SHOX2: variants seen among roughly 807,000 people sequenced by gnomAD.
The protein encoded by SHOX2 is short stature homeobox protein 2.
Under a neutral mutation model 31.3 loss-of-function variants are expected in SHOX2, and 13 were observed. The ratio of observed to expected loss-of-function variants is 0.42; its 90% CI spans 0.27 to 0.66. The LOEUF is 0.66. SHOX2 is among the 30% of genes least tolerant of loss of function. The pLI is 0.27. For missense variants in SHOX2, 473 were observed against 443.0 expected, an observed-to-expected ratio of 1.07 and a Z score of -0.61; for synonymous variants, 244 against 196.2, an observed-to-expected ratio of 1.24 and a Z score of -2.04.
intron 2 of SHOX2, 59 bp from the exon 3 acceptor site, chr3:158,100,370 A>G (rs2108124281): frequency 1.5e-6 from 2 of 1,326,852 alleles, no homozygotes; most frequent in East Asian, 2.4e-5. Context: ...AAATTTTTTT[A>G]AATTACAAAA....
chr3:158,099,200 G>T (rs1280266034), intron 4 of SHOX2, among the ~76,000 whole-genome samples: 2 of 152,236 alleles, frequency 1.3e-5, no homozygotes, highest in Non-Finnish European at 2.9e-5. Flanking sequence ...TCGCCCTCAG[G>T]CTTGGAAAGT....
chr3:158,105,953 C>G lies in SHOX2; in HGVS notation c.72G>C (p.Thr24=). Residue 24 remains threonine (T), a synonymous_variant, in exon 1 of 5, where the codon ACG becomes ACC. Transcript: ENST00000483851. ...QKVKEKKEAI[T]YREVLESGPL... ...GCCCGCTCTCCAGCACCTCCCGGTA[C>G]GTGATCGCCTCCTTCTTCTCCTTCA... 1.9e-6 allele frequency: 3 copies of G among 1,612,604 alleles called. No individual in the cohort carries two copies. Among genetic ancestry groups the G allele is most frequent in the Non-Finnish European group, 2.5e-6 (3 of 1,179,642 alleles).
chr3:158,106,345 C>T lies in SHOX2; in HGVS notation c.-321G>A, dbSNP rs1255495698. 1.0e-5 allele frequency: 4 copies of T among 397,234 alleles called. No homozygotes were observed. The East Asian group carries it at 2.6e-4, about 26-fold the overall frequency. 24.6% of individuals were successfully genotyped at this position (397,234 alleles called of 1,614,324 possible). ...TGCCGGAGGGAAATGGGAACTGATG[C>T]TTCCCTGCCGGAGCGCGCTTGTTCA... On this transcript the variant is annotated 5_prime_UTR_variant, in exon 1 of 5. Transcript: ENST00000483851.
intron 1 of SHOX2, among the ~76,000 whole-genome samples, 188 bp downstream of exon 1, chr3:158,105,491 C>G (rs1191611908): frequency 1.3e-5 from 2 of 151,836 alleles, no homozygotes; most frequent in East Asian, 3.9e-4. Context: ...ACACTAGGAC[C>G]CCACCCATGA....
rs761418532 is a variant in SHOX2, at chr3:158,099,921, A to T, written c.641T>A (p.Phe214Tyr). Residue 214 changes from phenylalanine (F) to tyrosine (Y), a missense_variant, in exon 4 of 5, where the codon TTT becomes TAT. Transcript: ENST00000483851. ...KGVLIGAASQ[F>Y]EACRVAPYVN... The stretch of plus-strand genomic sequence containing the variant: ...ATAAGGTGCGACTCTACAAGCTTCA[A>T]ACTGGCTGGCGGCCCCTATGAGAAC... 1 of 1,614,202 alleles carries T rather than the reference A, an allele frequency of 6.2e-7. No homozygotes were observed. The highest frequency in any genetic ancestry group is 8.5e-7 in the Non-Finnish European group (1 of 1,180,018).
Position 158,105,830 on chromosome 3 carries a change from TCCG to T in SHOX2, c.192_194del (p.Gly77del). ...CTCCTCCGCCGCCGCCTCCGCCTCC[TCCG>T]CCGCCGCCTCCGCCGGCCGCCCGGA... On this transcript the variant is annotated inframe_deletion, in exon 1 of 5. Transcript: ENST00000483851. The T allele has an allele frequency of 6.9e-7, 1 of 1,453,578 alleles. No individual in the cohort carries two copies. The allele number at this position is 1,453,578 out of a possible 1,614,324, so 90.0% of individuals were successfully genotyped here.
chr3:158,096,990 T>A lies in SHOX2; in HGVS notation c.*1037A>T, dbSNP rs1255268086. ...TATATCAATTTCCAGATACTTTTGG[T>A]ATTGTTTTTCATAGTGAAGATGAAA... On this transcript the variant is annotated 3_prime_UTR_variant, in exon 5 of 5. Coordinates refer to ENST00000483851, the MANE Select transcript of SHOX2 (RefSeq NM_001163678.2). The A allele has an allele frequency of 7.1e-6, 1 of 140,254 alleles. No homozygotes were observed. Among genetic ancestry groups the A allele is most frequent in the Non-Finnish European group, 1.5e-5 (1 of 65,948 alleles). 8.7% of individuals were successfully genotyped at this position (140,254 alleles called of 1,614,324 possible).
Position 158,100,311 on chromosome 3 carries a change from C to T in SHOX2, c.556G>A (p.Val186Ile), listed in dbSNP as rs1380735730. Residue 186 changes from valine (V) to isoleucine (I), a missense_variant and splice_region_variant, in exon 3 of 5, where the codon GTT becomes ATT. This residue lies in a region of SHOX2 where 15 missense variants were observed against 45.8 expected (regional missense o/e 0.33). Transcript: ENST00000483851. Reference sequence around the variant, plus strand: ...TTAGCTCTTCGATTTTGAAACCAAACCTATAGGTTGGAGGGGGAAAAAAAA... The same window carrying T: ...TTAGCTCTTCGATTTTGAAACCAAATCTATAGGTTGGAGGGGGAAAAAAAA... ...RLGLSEARVQ[V>I]WFQNRRAKCR... 7 of 1,596,512 alleles carry T rather than the reference C, an allele frequency of 4.4e-6. No homozygotes were observed. The highest frequency in any genetic ancestry group is 6.0e-6 in the Non-Finnish European group (7 of 1,175,100).
intron 1 of SHOX2, chr3:158,103,466 C>T (rs1359871381): frequency 6.1e-6 from 1 of 164,086 alleles, no homozygotes; most frequent in East Asian, 1.7e-4. Flanking sequence ...GCGAGAGCAA[C>T]AGACCCCGGT....
chr3:158,097,886 T>C lies in SHOX2; in HGVS notation c.*141A>G, dbSNP rs1210043511. On this transcript the variant is annotated 3_prime_UTR_variant, in exon 5 of 5. Transcript: ENST00000483851. ...CTGGCTTTCCGAGTCCAAGATGCGA[T>C]AGGGGACGAGGGATGGTCAGTGAGG... The C allele has an allele frequency of 1.0e-5, 11 of 1,088,950 alleles. No homozygotes were observed. Among genetic ancestry groups the C allele is most frequent in the Non-Finnish European group, 1.4e-5 (11 of 760,138 alleles). The allele number at this position is 1,088,950 out of a possible 1,614,324, so 67.5% of individuals were successfully genotyped here.
rs141736939 is a variant in SHOX2, at chr3:158,098,874, A to T, written c.703-590T>A. On this transcript the variant is annotated intron_variant, in intron 4 of 4. Transcript: ENST00000483851. ...GGGCCTGAGATTCTGAATTTCTAAC[A>T]ATCTCCCAGACGGTGTTGTTGCTGC... 3.3e-5 allele frequency among the ~76,000 whole-genome samples: 5 copies of T among 152,312 alleles called. No individual in the cohort carries two copies. The East Asian group carries it at 9.6e-4, about 29-fold the overall frequency.
chr3:158,097,173 T>A lies in SHOX2; in HGVS notation c.*854A>T. 6.6e-6 allele frequency: 1 copy of A among 152,078 alleles called. No homozygotes were observed. The highest frequency in any genetic ancestry group is 1.9e-4 in the East Asian group (1 of 5,184). The allele number at this position is 152,078 out of a possible 1,614,324, so 9.4% of individuals were successfully genotyped here. ...TGTCTGTGGCATTTTTTTGTGTTAA[T>A]ATTATTTTTCTCTCTCCTCGTTTTA... On this transcript the variant is annotated 3_prime_UTR_variant, in exon 5 of 5. Coordinates refer to ENST00000483851, the MANE Select transcript of SHOX2 (RefSeq NM_001163678.2).
chr3:158,105,741 C>G lies in SHOX2; in HGVS notation c.284G>C (p.Arg95Pro), dbSNP rs1192245790. The G allele has an allele frequency of 3.3e-6, 5 of 1,523,260 alleles. No homozygotes were observed. In the African/African-American group the frequency reaches 4.3e-5, roughly 13 times the overall value. The allele number at this position is 1,523,260 out of a possible 1,614,324, so 94.4% of individuals were successfully genotyped here. The change falls in exon 1 of 5, where the codon CGG becomes CCG. Residue 95 changes from arginine to proline, a missense_variant. Around this residue, in one of 3 missense-constraint regions of SHOX2, gnomAD observed 276 missense variants for 230.0 expected, o/e 1.20. Transcript: ENST00000483851. ...GGAGGGRSPV[R>P]ELDMGAAERS... Reference sequence around the variant, plus strand: ...CTCGGCGGCGCCCATGTCCAGCTCCCGGACGGGAGAGCGCCCTCCTCCAGC... The same window carrying G: ...CTCGGCGGCGCCCATGTCCAGCTCCGGGACGGGAGAGCGCCCTCCTCCAGC...
chr3:158,097,674 GCAAGAGT>G lies in SHOX2; in HGVS notation c.*346_*352del, dbSNP rs1713203324. The G allele has an allele frequency of 1.7e-5, 4 of 230,260 alleles. No homozygotes were observed. The highest frequency in any genetic ancestry group is 5.6e-5 in the Admixed American group (1 of 17,806). The allele number at this position is 230,260 out of a possible 1,614,324, so 14.3% of individuals were successfully genotyped here. A position where few individuals can be genotyped will look rare whatever the true frequency, so the allele number is the denominator to read the frequency against. ...TTGTTAACAAGATTTTTTTTTCTAT[GCAAGAGT>G]CCATCGTTGCAGCTTTGCGGTGAGC... is the stretch of plus-strand genomic sequence containing the variant. On this transcript the variant is annotated 3_prime_UTR_variant, in exon 5 of 5. Coordinates refer to ENST00000483851, the MANE Select transcript of SHOX2 (RefSeq NM_001163678.2).
At position 158,097,856 on chromosome 3, in the gene SHOX2, G is replaced by T; in HGVS notation, c.*171C>A. On this transcript the variant is annotated 3_prime_UTR_variant, in exon 5 of 5. Transcript: ENST00000483851. ...CCTCGTGAGATCCCTGGTCCTGCGT[G>T]GAGTCTGGCTTTCCGAGTCCAAGAT... 1 of 842,424 alleles carries T rather than the reference G, an allele frequency of 1.2e-6. No individual in the cohort carries two copies. Among genetic ancestry groups the T allele is most frequent in the Non-Finnish European group, 1.9e-6 (1 of 536,638 alleles). The allele number at this position is 842,424 out of a possible 1,614,324, so 52.2% of individuals were successfully genotyped here.
rs1235288829 is a variant in SHOX2 at position 158,105,919 on chromosome 3, C to G, written c.106G>C (p.Gly36Arg). Residue 36 changes from glycine to arginine, a missense_variant, in exon 1 of 5, where the codon GGG becomes CGG. Physicochemically the swap from Gly to Arg is moderately radical, Grantham distance 125 (BLOSUM62 -2). Transcript: ENST00000483851. ...REVLESGPLR[G>R]AKEPTGCTEA... Reference sequence around the variant, plus strand: ...GTGCAGCCGGTCGGCTCCTTGGCCCCGCGCAGCGGCCCGCTCTCCAGCACC... The same window carrying G: ...GTGCAGCCGGTCGGCTCCTTGGCCCGGCGCAGCGGCCCGCTCTCCAGCACC... The G allele has an allele frequency of 2.5e-6, 4 of 1,605,342 alleles. No homozygotes were observed. The highest frequency in any genetic ancestry group is 2.6e-6 in the Non-Finnish European group (3 of 1,176,294).
chr3:158,102,550 A>T, intron 2 of SHOX2, 128 bp downstream of exon 2: 1 of 714,686 alleles, frequency 1.4e-6, no homozygotes, highest in Non-Finnish European at 2.4e-6. Flanking sequence ...TCTAGTAAAG[A>T]TATCTCTTTC....
chr3:158,096,422 CAAA>C lies in SHOX2; in HGVS notation c.*1602_*1604del, dbSNP rs1291802996. The C allele has an allele frequency of 7.5e-6, 1 of 133,216 alleles. No individual in the cohort carries two copies. Among genetic ancestry groups the C allele is most frequent in the Non-Finnish European group, 1.6e-5 (1 of 61,804 alleles). 8.3% of individuals were successfully genotyped at this position (133,216 alleles called of 1,614,324 possible). ...CAAACAACCAAAAGAAAAAAAAAAA[CAAA>C]AAAGAAACAAACAAACAAAAAAAAA... is the stretch of plus-strand genomic sequence containing the variant. On this transcript the variant is annotated 3_prime_UTR_variant, in exon 5 of 5. Coordinates refer to ENST00000483851, the MANE Select transcript of SHOX2 (RefSeq NM_001163678.2).
chr3:158,102,948 A>G, intron 1 of SHOX2, 62 bp from the exon 2 acceptor site: 1 of 1,388,438 alleles, frequency 7.2e-7, no homozygotes, highest in Non-Finnish European at 1.0e-6. Flanking sequence ...ACACACGCAC[A>G]CACACACGGA....
Sources: gnomAD v4.1 joint callset for allele counts (sites outside exome capture counted in the v4.1 genomes callset) on GRCh38, gnomAD v4.1.1 for gene constraint, gnomAD v4.1.1 regional missense constraint, MANE v1.5 for transcripts, NCBI Gene and HGNC (gene_info 2026-07-23, HGNC 2026-07-21) for gene names.